Variants in NFX1 observed in about 807,000 individuals in gnomAD.
The protein encoded by NFX1 is transcriptional repressor NF-X1.
Under a neutral mutation model 137.2 loss-of-function variants are expected in NFX1, and 69 were observed. The ratio of observed to expected loss-of-function variants is 0.50; its 90% CI spans 0.41 to 0.61. The LOEUF (loss-of-function observed/expected upper bound fraction) is 0.61. Ranked by LOEUF, NFX1 falls within the 20% of genes least tolerant of loss-of-function variation. The pLI is 0.00. For missense variants in NFX1, 1,167 were observed against 1,391.0 expected, an observed-to-expected ratio of 0.84 and a Z score of 2.56; for synonymous variants, 495 against 474.1, an observed-to-expected ratio of 1.04 and a Z score of -0.57.
At chr9:33,364,865 A>G (rs1824125120) in intron 21 of NFX1, 91 bp downstream of exon 21, 3 of 1,547,366 alleles carry the variant, frequency 1.9e-6, no homozygotes, top group Admixed American at 4.2e-5. Context: ...CTTTCAACCT[A>G]GAGTAGTTGT....
At chr9:33,321,749 C>T (rs117802651) in intron 9 of NFX1, among the ~76,000 whole-genome samples, 27 of 152,098 alleles carry the variant, frequency 1.8e-4, no homozygotes, top group Admixed American at 4.6e-4. Context: ...TATGGCGGCA[C>T]GTGCCTGTGG....
intron 12 of NFX1, among the ~76,000 whole-genome samples, chr9:33,341,659 T>C (rs1823227100): frequency 6.6e-6 from 1 of 152,186 alleles, no homozygotes; most frequent in Non-Finnish European, 1.5e-5. Context: ...AGCCAGGCAT[T>C]GTGGCTCACA....
chr9:33,309,630 G>A (rs1234048950), intron 5 of NFX1, among the ~76,000 whole-genome samples: 2 of 152,146 alleles, frequency 1.3e-5, no homozygotes, highest in Non-Finnish European at 2.9e-5. Flanking sequence ...ACACTTGTTA[G>A]GACTCAAAAG....
chr9:33,361,562 C>T (rs1284640210), intron 19 of NFX1, among the ~76,000 whole-genome samples: 1 of 152,052 alleles, frequency 6.6e-6, no homozygotes, highest in East Asian at 1.9e-4. Flanking sequence ...CACCTGAGGT[C>T]AGGAGTTCAA....
At chr9:33,296,733 A>C (rs749549933) in intron 2 of NFX1, among the ~76,000 whole-genome samples, 1 of 152,182 alleles carries the variant, frequency 6.6e-6, no homozygotes, top group Admixed American at 6.5e-5. Flanking sequence ...TGCGGGGGGA[A>C]AAAAGTTACT....
chr9:33,318,284 G>C (rs1259486929), intron 7 of NFX1, among the ~76,000 whole-genome samples: 1 of 152,110 alleles, frequency 6.6e-6, no homozygotes, highest in African/African-American at 2.4e-5. Context: ...AAGTGAGGAT[G>C]GGAAATCCAG....
chr9:33,331,694 C>CT (rs35980358), intron 10 of NFX1, among the ~76,000 whole-genome samples: 16,574 of 132,596 alleles, frequency 0.12, 1,159 homozygotes, highest in African/African-American at 0.2. Context: ...TCAGTAGCTG[C>CT]TTTTTTTTTT....
chr9:33,364,143 C>T (rs751936006), intron 20 of NFX1, 35 bp downstream of exon 20: 9 of 1,478,282 alleles, frequency 6.1e-6, no homozygotes, highest in Middle Eastern at 3.5e-4. Flanking sequence ...TTAATTGTGG[C>T]TTGTCAGGGT....
Position 33,353,044 on chromosome 9 carries a change from G to A in NFX1, c.2729+325G>A, listed in dbSNP as rs551305225. Among the ~76,000 whole-genome samples, 6 of 152,280 alleles carry A rather than the reference G, an allele frequency of 3.9e-5. No individual in the cohort carries two copies. The East Asian group carries it at 9.6e-4, about 24-fold the overall frequency. On this transcript the variant is annotated intron_variant, in intron 17 of 23. Transcript: ENST00000379540. ...AGGCGTGAGCCACTACACCTGGCTG[G>A]AAAGTTTCTTACATACATTTTTAAA...
At chr9:33,348,547 T>A (rs1293675324) in intron 15 of NFX1, 1 of 153,256 alleles carries the variant, frequency 6.5e-6, no homozygotes, top group Non-Finnish European at 1.4e-5. Flanking sequence ...CTAACAGATA[T>A]AATAATGAAA....
intron 10 of NFX1, among the ~76,000 whole-genome samples, chr9:33,331,542 C>T (rs1822805947): frequency 6.6e-6 from 1 of 152,202 alleles, no homozygotes; most frequent in Non-Finnish European, 1.5e-5. Context: ...TTTCATGAGT[C>T]ACTTTTGCTT....
At chr9:33,336,384 T>G (rs899504854) in intron 11 of NFX1, among the ~76,000 whole-genome samples, 4 of 151,936 alleles carry the variant, frequency 2.6e-5, no homozygotes, top group Non-Finnish European at 5.9e-5. Flanking sequence ...CCCGGCTAAT[T>G]TTTGTATTTT....
chr9:33,351,863 A>G, intron 16 of NFX1, 73 bp downstream of exon 16: 1 of 1,304,180 alleles, frequency 7.7e-7, no homozygotes, highest in Non-Finnish European at 1.0e-6. Context: ...AACTGTCTAC[A>G]GTGGCCCCTG....
At chr9:33,350,340 A>G (rs2118634200) in intron 15 of NFX1, among the ~76,000 whole-genome samples, 1 of 151,930 alleles carries the variant, frequency 6.6e-6, no homozygotes, top group African/African-American at 2.4e-5. Flanking sequence ...AAAACGAAAA[A>G]ATGGCCCTGC....
chr9:33,332,408 T>C (rs1822840205), intron 10 of NFX1, 64 bp from the exon 11 acceptor site: 1 of 1,442,208 alleles, frequency 6.9e-7, no homozygotes, highest in Admixed American at 1.8e-5. Flanking sequence ...TATGGCATTA[T>C]ATTATAGTTG....
intron 19 of NFX1, among the ~76,000 whole-genome samples, chr9:33,357,646 C>T (rs906889634): frequency 6.6e-6 from 1 of 151,962 alleles, no homozygotes; most frequent in Non-Finnish European, 1.5e-5. Flanking sequence ...ATCCTCGTGC[C>T]TCAGCCTCCA....
intron 9 of NFX1, among the ~76,000 whole-genome samples, chr9:33,322,681 A>C (rs1057043297): frequency 6.6e-6 from 1 of 152,172 alleles, no homozygotes; most frequent in Non-Finnish European, 1.5e-5. Context: ...GCAAGAGGCT[A>C]CTATCCCACC....
At chr9:33,309,620 A>C (rs1263771143) in intron 5 of NFX1, among the ~76,000 whole-genome samples, 1 of 152,062 alleles carries the variant, frequency 6.6e-6, no homozygotes, top group African/African-American at 2.4e-5. Context: ...TCTCTCATTT[A>C]CACTTGTTAG....
chr9:33,297,080 C>T (rs139759458), intron 2 of NFX1, among the ~76,000 whole-genome samples: 36 of 152,264 alleles, frequency 2.4e-4, no homozygotes, highest in Admixed American at 2.0e-3. Context: ...TTTTATCCTC[C>T]GGAGCAGCAT....
Sources: allele counts gnomAD v4.1 joint callset (sites outside exome capture counted in the v4.1 genomes callset), GRCh38; gene constraint gnomAD v4.1.1; transcripts MANE v1.5; gene names NCBI Gene and HGNC (gene_info 2026-07-23, HGNC 2026-07-21).